VPS13B: variants seen among roughly 807,000 people sequenced by gnomAD.
VPS13B encodes vacuolar protein sorting 13 homolog B.
In VPS13B, 285 loss-of-function variants were observed where a neutral mutation model predicts 426.4. That is an observed-to-expected ratio of 0.67 (90% CI 0.61 to 0.74). The LOEUF is 0.74. VPS13B is among the 30% of genes least tolerant of loss of function. The probability of loss-of-function intolerance (pLI) is 0.00; values close to 1 mark genes in which losing one functional copy is unlikely to be tolerated. For synonymous variants in VPS13B, 1,676 were observed against 1,676.4 expected (o/e 1.00, Z 0.01); for missense variants, 4,537 against 4,782.6 (o/e 0.95, Z 1.51).
At chr8:99,083,145 T>C (rs965452525) in intron 3 of VPS13B, among the ~76,000 whole-genome samples, 1 of 152,208 alleles carries the variant, frequency 6.6e-6, no homozygotes, top group Non-Finnish European at 1.5e-5. Context: ...CACTGAGCAG[T>C]GGTTTGTAGT....
intron 17 of VPS13B, among the ~76,000 whole-genome samples, chr8:99,231,822 A>G (rs571686191): frequency 6.6e-6 from 1 of 152,300 alleles, no homozygotes; most frequent in African/African-American, 2.4e-5. Context: ...ATAAATTGCT[A>G]CTTTCCTTCA....
chr8:99,632,267 G>A (rs993430187), intron 33 of VPS13B, among the ~76,000 whole-genome samples: 1 of 151,872 alleles, frequency 6.6e-6, no homozygotes, highest in African/African-American at 2.4e-5. Flanking sequence ...TTTGGAGACT[G>A]GATTACTACT....
intron 3 of VPS13B, chr8:99,093,955 C>T (rs1418966708): frequency 6.6e-6 from 1 of 152,062 alleles, no homozygotes; most frequent in Non-Finnish European, 1.5e-5. Flanking sequence ...TTTGAAAACT[C>T]ATCGTTTTCA....
chr8:99,042,278 GCTTAA>G (rs1842998009), intron 3 of VPS13B, among the ~76,000 whole-genome samples: 1 of 151,744 alleles, frequency 6.6e-6, no homozygotes, highest in Admixed American at 6.6e-5. Context: ...CTCCTTTTTA[GCTTAA>G]CTTCTTTTAA....
intron 17 of VPS13B, among the ~76,000 whole-genome samples, chr8:99,194,839 T>C (rs2132734835): frequency 6.6e-6 from 1 of 152,206 alleles, no homozygotes; most frequent in Middle Eastern, 3.4e-3. Context: ...AATGGTTGTA[T>C]TAATTTTCTT....
At chr8:99,809,551 G>A (rs1813591639) in intron 44 of VPS13B, 21 bp downstream of exon 44, 1 of 1,613,704 alleles carries the variant, frequency 6.2e-7, no homozygotes, top group Non-Finnish European at 8.5e-7. Context: ...TTGTGTTCAT[G>A]ACCCAGACAC....
intron 19 of VPS13B, among the ~76,000 whole-genome samples, chr8:99,338,798 A>G (rs533731485): frequency 1.3e-5 from 2 of 152,280 alleles, no homozygotes; most frequent in South Asian, 2.1e-4. Context: ...GGTTGTTACC[A>G]TGATAAAATT....
chr8:99,054,613 T>C (rs1246369392), intron 3 of VPS13B, among the ~76,000 whole-genome samples: 1 of 152,234 alleles, frequency 6.6e-6, no homozygotes, highest in African/African-American at 2.4e-5. Flanking sequence ...CTTTCGGTGT[T>C]ATATCTAAGA....
At chr8:99,690,339 A>G (rs79177671) in intron 35 of VPS13B, among the ~76,000 whole-genome samples, 4,968 of 152,308 alleles carry the variant, frequency 0.033, 100 homozygotes, top group East Asian at 0.056. Context: ...AAGAGATAAA[A>G]CTGTAAAACT....
At chr8:99,806,242 C>G (rs996426787) in intron 43 of VPS13B, among the ~76,000 whole-genome samples, 1 of 152,182 alleles carries the variant, frequency 6.6e-6, no homozygotes, top group Non-Finnish European at 1.5e-5. Flanking sequence ...ATCCTCCAAC[C>G]CTTTATCCAC....
At chr8:99,572,721 G>A (rs2133801847) in intron 31 of VPS13B, among the ~76,000 whole-genome samples, 1 of 152,284 alleles carries the variant, frequency 6.6e-6, no homozygotes, top group African/African-American at 2.4e-5. Context: ...ATTTGGGTTG[G>A]TTCCAAGTCT....
chr8:99,093,785 G>T (rs1846289870), intron 3 of VPS13B: 1 of 151,932 alleles, frequency 6.6e-6, no homozygotes, highest in Non-Finnish European at 1.5e-5. Context: ...ATCATTGTTG[G>T]ACATTTGGGT....
chr8:99,857,226 C>A (rs2130926830), intron 56 of VPS13B, among the ~76,000 whole-genome samples: 2 of 152,342 alleles, frequency 1.3e-5, no homozygotes, highest in African/African-American at 4.8e-5. Context: ...CAGGGGAGGA[C>A]CTGCCACTGG....
chr8:99,414,415 T>C (rs1394578485), intron 21 of VPS13B, among the ~76,000 whole-genome samples: 2 of 152,190 alleles, frequency 1.3e-5, no homozygotes, highest in African/African-American at 4.8e-5. Flanking sequence ...TTAGCCCATT[T>C]ACATTTAAGG....
intron 56 of VPS13B, among the ~76,000 whole-genome samples, chr8:99,856,167 A>C (rs1255409556): frequency 6.6e-6 from 1 of 152,248 alleles, no homozygotes; most frequent in Non-Finnish European, 1.5e-5. Context: ...TTTCACAAGA[A>C]CATTCTATTT....
chr8:99,079,898 C>T (rs1845350995), intron 3 of VPS13B, among the ~76,000 whole-genome samples: 1 of 149,372 alleles, frequency 6.7e-6, no homozygotes, highest in Non-Finnish European at 1.5e-5. Context: ...GTGCTCCATC[C>T]TGGGCAACAA....
At chr8:99,638,697 G>A (rs1211476095) in intron 33 of VPS13B, among the ~76,000 whole-genome samples, 1 of 152,134 alleles carries the variant, frequency 6.6e-6, no homozygotes, top group Non-Finnish European at 1.5e-5. Flanking sequence ...AGGATTCTTT[G>A]AAGTATGATC....
At chr8:99,566,202 C>T (rs773159850) in intron 31 of VPS13B, among the ~76,000 whole-genome samples, 10 of 152,108 alleles carry the variant, frequency 6.6e-5, no homozygotes, top group Admixed American at 2.6e-4. Flanking sequence ...CCTGGTCTTA[C>T]TCTTCTTTAT....
At chr8:99,320,805 T>C (rs981280992) in intron 19 of VPS13B, among the ~76,000 whole-genome samples, 1 of 152,240 alleles carries the variant, frequency 6.6e-6, no homozygotes, top group African/African-American at 2.4e-5. Flanking sequence ...GCTTTGATAT[T>C]CACAGTGTGA....
Sources: gnomAD v4.1 joint callset for allele counts (sites outside exome capture counted in the v4.1 genomes callset) on GRCh38, gnomAD v4.1.1 for gene constraint, MANE v1.5 for transcripts, NCBI Gene and HGNC (gene_info 2026-07-23, HGNC 2026-07-21) for gene names.